LOC128462377: variants seen among roughly 807,000 people sequenced by gnomAD.
the LOC128462377 span, among the ~76,000 whole-genome samples, chr16:89,369,161 A>G: frequency 6.6e-6 from 1 of 152,304 alleles, no homozygotes; most frequent in South Asian, 2.1e-4. Context: ...CAGCATAAGC[A>G]CCCCAAACCC....
At chr16:89,403,186 G>A in the LOC128462377 span, among the ~76,000 whole-genome samples, 7 of 152,284 alleles carry the variant, frequency 4.6e-5, no homozygotes, top group Admixed American at 3.3e-4. Flanking sequence ...GGTGGACCCC[G>A]CACTCCCTAG....
chr16:89,349,134 T>TAAAAAAAAAAAAAA, the LOC128462377 span, among the ~76,000 whole-genome samples: 85 of 16,574 alleles, frequency 5.1e-3, 3 homozygotes, highest in Admixed American at 6.8e-3. Context: ...TCTCAAAAAG[T>TAAAAAAAAAAAAAA]AAAAAAAAAA....
At chr16:89,344,283 C>T in the LOC128462377 span, among the ~76,000 whole-genome samples, 4 of 152,170 alleles carry the variant, frequency 2.6e-5, no homozygotes, top group South Asian at 4.1e-4. Context: ...GAGCCTCTAA[C>T]GAGCCTCAGC....
chr16:89,318,814 A>G, the LOC128462377 span, among the ~76,000 whole-genome samples: 14 of 152,222 alleles, frequency 9.2e-5, no homozygotes, highest in Non-Finnish European at 1.3e-4. Flanking sequence ...GGTCGGGTCA[A>G]CGTATTCACT....
the LOC128462377 span, among the ~76,000 whole-genome samples, chr16:89,389,750 G>A: frequency 6.7e-6 from 1 of 150,044 alleles, no homozygotes; most frequent in Admixed American, 6.6e-5. Flanking sequence ...CGAGTGTGGC[G>A]GGGAGCACCG....
At chr16:89,349,652 T>C in the LOC128462377 span, among the ~76,000 whole-genome samples, 1 of 152,178 alleles carries the variant, frequency 6.6e-6, no homozygotes, top group Non-Finnish European at 1.5e-5. Flanking sequence ...ACAAAAATTA[T>C]TTCATAATTG....
chr16:89,352,664 T>C, the LOC128462377 span, among the ~76,000 whole-genome samples: 1 of 152,146 alleles, frequency 6.6e-6, no homozygotes. Context: ...AGCACCAAAG[T>C]GTTCTGTGCC....
chr16:89,342,184 G>A, the LOC128462377 span, among the ~76,000 whole-genome samples: 1 of 152,260 alleles, frequency 6.6e-6, no homozygotes, highest in Non-Finnish European at 1.5e-5. Context: ...GCACAACACA[G>A]GTACTGACAG....
the LOC128462377 span, among the ~76,000 whole-genome samples, chr16:89,386,452 G>A: frequency 6.6e-6 from 1 of 152,238 alleles, no homozygotes; most frequent in Non-Finnish European, 1.5e-5. Context: ...CTAGCAAGAG[G>A]CCCTCTTTTC....
At chr16:89,382,270 G>C in the LOC128462377 span, among the ~76,000 whole-genome samples, 5 of 152,028 alleles carry the variant, frequency 3.3e-5, no homozygotes, top group Non-Finnish European at 7.4e-5. Context: ...GAAATTCCTT[G>C]AGCCTCTAAC....
the LOC128462377 span, among the ~76,000 whole-genome samples, chr16:89,349,861 A>C: frequency 7.5e-6 from 1 of 133,138 alleles, no homozygotes; most frequent in South Asian, 2.5e-4. Flanking sequence ...TACTTGTTAA[A>C]ACACACACAC....
chr16:89,326,800 C>T, the LOC128462377 span, among the ~76,000 whole-genome samples: 3 of 152,144 alleles, frequency 2.0e-5, no homozygotes, highest in African/African-American at 4.8e-5. Flanking sequence ...AGTGCTTGGC[C>T]CAGAGCAGTG....
chr16:89,376,027 G>GA, the LOC128462377 span, among the ~76,000 whole-genome samples: 2 of 152,168 alleles, frequency 1.3e-5, no homozygotes, highest in African/African-American at 4.8e-5. Context: ...CACAAAAAAA[G>GA]AACAGGACAT....
chr16:89,334,564 C>T, the LOC128462377 span, among the ~76,000 whole-genome samples: 2 of 152,074 alleles, frequency 1.3e-5, no homozygotes, highest in South Asian at 4.1e-4. Context: ...ATGCGGCATG[C>T]TATGGGGCCA....
the LOC128462377 span, among the ~76,000 whole-genome samples, chr16:89,369,469 C>T: frequency 3.9e-5 from 6 of 152,216 alleles, no homozygotes; most frequent in Non-Finnish European, 7.3e-5. Flanking sequence ...AGCATGGGTG[C>T]GCCGCAACAG....
the LOC128462377 span, chr16:89,392,521 GAGC>G: frequency 6.6e-6 from 1 of 151,998 alleles, no homozygotes; most frequent in African/African-American, 2.4e-5. Flanking sequence ...TGTTTTCCAT[GAGC>G]AGCACTGTGA....
chr16:89,331,629 A>T, the LOC128462377 span, among the ~76,000 whole-genome samples: 3 of 151,992 alleles, frequency 2.0e-5, no homozygotes, highest in African/African-American at 2.4e-5. Context: ...AGATTTATAG[A>T]TATGTATTTA....
At chr16:89,360,286 G>A in the LOC128462377 span, among the ~76,000 whole-genome samples, 1 of 152,110 alleles carries the variant, frequency 6.6e-6, no homozygotes, top group South Asian at 2.1e-4. Flanking sequence ...TATTAGGGAT[G>A]GGGCTTCACT....
the LOC128462377 span, among the ~76,000 whole-genome samples, chr16:89,376,169 A>G: frequency 6.6e-6 from 1 of 152,238 alleles, no homozygotes; most frequent in Non-Finnish European, 1.5e-5. Context: ...GTGTGGGTGC[A>G]GGATTGCTAT....
Sources: gnomAD v4.1 joint callset for allele counts (sites outside exome capture counted in the v4.1 genomes callset) on GRCh38, gnomAD v4.1.1 for gene constraint, MANE v1.5 for transcripts.